The following RASSF2 variants were observed in gnomAD, a reference collection of about 807,000 sequenced individuals.
RASSF2 encodes the protein Ras association domain family member 2.
RASSF2 carries 34 observed loss-of-function variants against 46.3 expected under a neutral mutation model. The observed-to-expected ratio is 0.73, with a 90% CI of 0.56 to 0.98. RASSF2 has a LOEUF of 0.98. RASSF2 is among the 50% of genes least tolerant of loss of function. The probability of loss-of-function intolerance (pLI) is 0.00; values close to 1 mark genes in which losing one functional copy is unlikely to be tolerated. For synonymous variants in RASSF2, 158 were observed against 162.5 expected, an observed-to-expected ratio of 0.97 and a Z score of 0.21; for missense variants, 364 against 431.2, an observed-to-expected ratio of 0.84 and a Z score of 1.38.
chr20:4,787,146 C>T (rs1315499146), intron 10 of RASSF2, among the ~76,000 whole-genome samples: 1 of 152,066 alleles, frequency 6.6e-6, no homozygotes, highest in Non-Finnish European at 1.5e-5. Context: ...GGGATAAGTA[C>T]ATTTCTCTAC....
Position 4,790,237 on chromosome 20 carries a change from G to T in RASSF2, c.537+214C>A, listed in dbSNP as rs891570358. On this transcript the variant is annotated intron_variant, in intron 7 of 11. Transcript: ENST00000379400. The surrounding 1 kb of genome is among the most constrained non-coding windows in gnomAD (Gnocchi z 4.3). ...CTGAATTCACCCACCACCTTAAGGG[G>T]AACCCACAGGGGGACTTTGAGGCTT... 6.6e-6 allele frequency among the ~76,000 whole-genome samples: 1 copy of T among 152,208 alleles called. No individual in the cohort carries two copies. Among genetic ancestry groups the T allele is most frequent in the Non-Finnish European group, 1.5e-5 (1 of 68,040 alleles).
At chr20:4,822,449 C>G (rs916599369) in intron 1 of RASSF2, 46 bp from the exon 2 acceptor site, 21 of 152,256 alleles carry the variant, frequency 1.4e-4, no homozygotes, top group African/African-American at 4.6e-4. Flanking sequence ...TCGCGCTTGG[C>G]TTCTCCTATC....
At chr20:4,805,390 G>C (rs1411987731) in intron 2 of RASSF2, among the ~76,000 whole-genome samples, 1 of 152,116 alleles carries the variant, frequency 6.6e-6, no homozygotes, top group African/African-American at 2.4e-5. Context: ...CATGAACCTT[G>C]AAGGCAGCTC....
Position 4,781,501 on chromosome 20 carries a change from C to T in RASSF2, c.*2772G>A, listed in dbSNP as rs1218321589. The T allele has an allele frequency of 6.6e-6, 1 of 152,192 alleles. No individual in the cohort carries two copies. Among genetic ancestry groups the T allele is most frequent in the Admixed American group, 6.5e-5 (1 of 15,280 alleles). 9.4% of individuals were successfully genotyped at this position (152,192 alleles called of 1,614,324 possible). On this transcript the variant is annotated 3_prime_UTR_variant, in exon 12 of 12. Transcript: ENST00000379400. The stretch of plus-strand genomic sequence containing the variant: ...TGTGCACGTTCTTCACCAATACGTA[C>T]AGGGAAGACTATCTTTTGTGCTTTT...
At chr20:4,786,416 C>G (rs1235279155) in intron 10 of RASSF2, 88 bp from the exon 11 acceptor site, 4 of 1,136,162 alleles carry the variant, frequency 3.5e-6, no homozygotes, top group African/African-American at 3.1e-5. Flanking sequence ...AGGCACAAAG[C>G]CTTGGGAAGT....
chr20:4,820,422 G>T (rs372137144), intron 2 of RASSF2, among the ~76,000 whole-genome samples: 3 of 152,158 alleles, frequency 2.0e-5, no homozygotes, highest in Admixed American at 6.5e-5. Context: ...GAGGTGGGAG[G>T]ATCGCTTGGG....
At chr20:4,799,343 C>T (rs8125253) in intron 3 of RASSF2, among the ~76,000 whole-genome samples, 5,622 of 152,180 alleles carry the variant, frequency 0.037, 366 homozygotes, top group African/African-American at 0.13. Flanking sequence ...TGAGAATGCA[C>T]AAGTCAAGTT....
At chr20:4,817,455 C>T (rs1393960249) in intron 2 of RASSF2, among the ~76,000 whole-genome samples, 1 of 152,210 alleles carries the variant, frequency 6.6e-6, no homozygotes, top group South Asian at 2.1e-4. Context: ...TTTCTCCACA[C>T]AGACTTTTCT....
intron 2 of RASSF2, among the ~76,000 whole-genome samples, chr20:4,813,922 C>T (rs1283319450): frequency 1.3e-5 from 2 of 152,082 alleles, no homozygotes; most frequent in African/African-American, 4.8e-5. Context: ...ACCTAGAATG[C>T]TAACCAGCCA....
chr20:4,807,041 A>G (rs1013235304), intron 2 of RASSF2, among the ~76,000 whole-genome samples: 5 of 152,250 alleles, frequency 3.3e-5, no homozygotes, highest in African/African-American at 1.2e-4. Flanking sequence ...CTGGTTCTAC[A>G]GAAAAAAATA....
intron 1 of RASSF2, among the ~76,000 whole-genome samples, chr20:4,823,288 C>T (rs1424580696): frequency 1.3e-5 from 2 of 151,960 alleles, no homozygotes; most frequent in Non-Finnish European, 1.5e-5. Flanking sequence ...GCTCCCAGTG[C>T]CCCGCGCCCC....
Position 4,800,123 on chromosome 20 carries a change from A to G in RASSF2, c.59+849T>C, listed in dbSNP as rs139281505. Among the ~76,000 whole-genome samples, 1,171 of 152,246 alleles carry G rather than the reference A, an allele frequency of 7.7e-3. 13 individuals carry two copies. Among genetic ancestry groups the G allele is most frequent in the African/African-American group, 0.026 (1,071 of 41,536 alleles). On this transcript the variant is annotated intron_variant, in intron 3 of 11. Transcript: ENST00000379400. ...GGAGAGTCCTTCTAAAAAAAAAAAA[A>G]AGAGATAGAGAAATCTTATGCTGGA...
intron 2 of RASSF2, among the ~76,000 whole-genome samples, chr20:4,806,152 A>AT (rs1260405456): frequency 6.6e-6 from 1 of 152,176 alleles, no homozygotes; most frequent in Non-Finnish European, 1.5e-5. Flanking sequence ...AACAGGAGAC[A>AT]TGGTACCAAG....
intron 5 of RASSF2, among the ~76,000 whole-genome samples, chr20:4,794,227 C>T (rs553826023): frequency 5.3e-5 from 8 of 151,988 alleles, no homozygotes; most frequent in African/African-American, 1.9e-4. Flanking sequence ...GAGTTTGAGA[C>T]CAACCTGTGC....
rs1300428315 is a variant in RASSF2 at position 4,781,379 on chromosome 20, T to A, written c.*2894A>T. 1 of 152,210 alleles carries A rather than the reference T, an allele frequency of 6.6e-6. No homozygotes were observed. Among genetic ancestry groups the A allele is most frequent in the Non-Finnish European group, 1.5e-5 (1 of 68,032 alleles). 9.4% of individuals were successfully genotyped at this position (152,210 alleles called of 1,614,324 possible). On this transcript the variant is annotated 3_prime_UTR_variant, in exon 12 of 12. Transcript: ENST00000379400. ...CATCAGCATGTCTCAGATCAAAATC[T>A]TGACCCGAGGCCTCAGCATTTTTCT...
At chr20:4,809,265 A>G (rs6052899) in intron 2 of RASSF2, among the ~76,000 whole-genome samples, 24,432 of 152,008 alleles carry the variant, frequency 0.16, 2,898 homozygotes, top group African/African-American at 0.33. Context: ...CGTCTTTTCA[A>G]AGGGAAGGTC....
In RASSF2 at chr20:4,823,577, CCT is replaced by C. The variant is rs1212697452; in HGVS notation, c.-130_-129del. On this transcript the variant is annotated 5_prime_UTR_variant, in exon 1 of 12. The change abolishes the stop of an existing upstream ORF in the 5' untranslated region. Transcript: ENST00000379400. ...CCTACCGGATCTGCTCGTCCGCTGT[CCT>C]CTCTTTTCTCTCGCTCTTCATATCA... 1.3e-5 allele frequency: 2 copies of C among 152,874 alleles called. No individual in the cohort carries two copies. The highest frequency in any genetic ancestry group is 2.4e-5 in the African/African-American group (1 of 41,458). The allele number at this position is 152,874 out of a possible 1,614,324, so 9.5% of individuals were successfully genotyped here. A position where few individuals can be genotyped will look rare whatever the true frequency, so the allele number is the denominator to read the frequency against.
chr20:4,792,280 G>T (rs1368243713), intron 6 of RASSF2, among the ~76,000 whole-genome samples: 1 of 139,230 alleles, frequency 7.2e-6, no homozygotes, highest in East Asian at 2.2e-4. Context: ...GGGGAGGGGA[G>T]GGGAGGGGGA....
chr20:4,796,514 G>A (rs1179451292), intron 4 of RASSF2, among the ~76,000 whole-genome samples: 1 of 152,200 alleles, frequency 6.6e-6, no homozygotes, highest in Non-Finnish European at 1.5e-5. Flanking sequence ...CATGAGCTGG[G>A]AGAGGCTGTG....
Sources: allele counts gnomAD v4.1 joint callset (sites outside exome capture counted in the v4.1 genomes callset), GRCh38; gene constraint gnomAD v4.1.1; non-coding constraint Gnocchi (gnomAD v3.1); transcripts MANE v1.5; gene names NCBI Gene and HGNC (gene_info 2026-07-23, HGNC 2026-07-21).